The following FER1L6 variants were observed in gnomAD, a reference collection of about 807,000 sequenced individuals.
The protein encoded by FER1L6 is fer-1 like family member 6.
FER1L6 carries 177 observed loss-of-function variants against 219.2 expected under a neutral mutation model. That is an observed-to-expected ratio of 0.81 (90% CI 0.71 to 0.91). FER1L6 has a LOEUF of 0.91. Among genes scored for constraint, FER1L6 ranks in the 40% least tolerant of loss-of-function variants. The pLI, the probability that FER1L6 is intolerant of heterozygous loss-of-function variation, is 0.00. For synonymous variants in FER1L6, 768 were observed against 824.3 expected, an observed-to-expected ratio of 0.93 and a Z score of 1.17; for missense variants, 2,153 against 2,259.9, an observed-to-expected ratio of 0.95 and a Z score of 0.96.
chr8:123,886,970 A>T (rs1302499384), intron 1 of FER1L6, among the ~76,000 whole-genome samples: 1 of 152,154 alleles, frequency 6.6e-6, no homozygotes, highest in African/African-American at 2.4e-5. Context: ...CTGGTCTTAA[A>T]GCTCGAAACT....
chr8:123,949,361 A>T (rs898411547), intron 1 of FER1L6, among the ~76,000 whole-genome samples: 1 of 152,200 alleles, frequency 6.6e-6, no homozygotes, highest in Non-Finnish European at 1.5e-5. Context: ...TCAAAAAAAA[A>T]ATGAGGTTCA....
chr8:123,888,187 G>A (rs1335142140), intron 1 of FER1L6, among the ~76,000 whole-genome samples: 2 of 151,928 alleles, frequency 1.3e-5, no homozygotes, highest in Non-Finnish European at 2.9e-5. Context: ...CACGATCTTG[G>A]CTCACTGCAA....
intron 1 of FER1L6, among the ~76,000 whole-genome samples, chr8:123,881,669 G>A (rs1255963669): frequency 6.6e-6 from 1 of 152,174 alleles, no homozygotes; most frequent in African/African-American, 2.4e-5. Flanking sequence ...TAGACCCTGT[G>A]TGGCCCATCT....
chr8:123,973,177 G>A (rs1226292639), intron 6 of FER1L6, among the ~76,000 whole-genome samples: 1 of 152,186 alleles, frequency 6.6e-6, no homozygotes, highest in Non-Finnish European at 1.5e-5. Context: ...TGAAGGGTGA[G>A]CTGTACTCAG....
intron 1 of FER1L6, among the ~76,000 whole-genome samples, chr8:123,877,601 C>T (rs1025456047): frequency 1.1e-4 from 16 of 152,108 alleles, no homozygotes; most frequent in African/African-American, 3.9e-4. Context: ...GGGAACCGTT[C>T]TCTGAGAACT....
intron 18 of FER1L6, among the ~76,000 whole-genome samples, chr8:124,028,413 T>G (rs1357407361): frequency 2.6e-5 from 4 of 152,088 alleles, no homozygotes; most frequent in African/African-American, 9.7e-5. Flanking sequence ...TCTCTCTTTA[T>G]GCCCCTTTCT....
In FER1L6 at chr8:124,003,180, C is replaced by T; in HGVS notation, c.1533C>T (p.Asn511=). 6.2e-7 allele frequency: 1 copy of T among 1,613,760 alleles called. No homozygotes were observed. The highest frequency in any genetic ancestry group is 8.5e-7 in the Non-Finnish European group (1 of 1,179,788). The change falls in exon 13 of 41, where the codon AAC becomes AAT. Residue 511 remains asparagine, a synonymous_variant. Transcript: ENST00000522917. ...SFEVSIGNFG[N]LIDGGSHHGS... is the part of the protein sequence containing the mutation. ...CTGCCTCTGCAGGTAATTTTGGAAA[C>T]CTGATTGATGGAGGATCCCATCATG...
chr8:123,923,444 T>C (rs991392305), intron 1 of FER1L6, among the ~76,000 whole-genome samples: 19 of 152,216 alleles, frequency 1.2e-4, no homozygotes, highest in African/African-American at 4.6e-4. Context: ...AGCAACTTCA[T>C]ATAGTTCAAC....
intron 27 of FER1L6, among the ~76,000 whole-genome samples, chr8:124,066,961 G>A (rs776825428): frequency 9.2e-5 from 14 of 152,100 alleles, no homozygotes; most frequent in Admixed American, 3.9e-4. Flanking sequence ...AAGTTCACAT[G>A]GGAAATTATC....
In FER1L6 at chr8:124,049,724, G is replaced by A; in HGVS notation, c.2842G>A (p.Gly948Arg). ...HPIFCGNLSGGDLLAVFELLQ... is the reference protein window; with the variant it reads ...HPIFCGNLSGRDLLAVFELLQ... ...CATCTTTTGTGGGAATCTCTCTGGA[G>A]GGGATCTCCTTGCTGTATTTGAACT... The change falls in exon 22 of 41, where the codon GGG becomes AGG. Residue 948 changes from glycine to arginine, a missense_variant. Transcript: ENST00000522917. 6.2e-7 allele frequency: 1 copy of A among 1,614,074 alleles called. No individual in the cohort carries two copies. The highest frequency in any genetic ancestry group is 8.5e-7 in the Non-Finnish European group (1 of 1,179,972).
chr8:123,976,204 T>C, intron 9 of FER1L6, 120 bp downstream of exon 9: 1 of 878,034 alleles, frequency 1.1e-6, no homozygotes, highest in South Asian at 2.2e-5. Context: ...AAAAGCTTGT[T>C]ACAAAAAGGC....
intron 1 of FER1L6, among the ~76,000 whole-genome samples, chr8:123,930,243 G>A (rs1243673209): frequency 2.0e-5 from 3 of 152,088 alleles, no homozygotes; most frequent in African/African-American, 7.2e-5. Flanking sequence ...ACATTAGTTT[G>A]TGTATCCACC....
intron 15 of FER1L6, among the ~76,000 whole-genome samples, chr8:124,015,584 T>TAC (rs1204491375): frequency 2.6e-5 from 2 of 76,044 alleles, no homozygotes; most frequent in African/African-American, 1.4e-4. Context: ...TATATATATA[T>TAC]ATATATATAT....
intron 1 of FER1L6, among the ~76,000 whole-genome samples, chr8:123,898,732 GTATATATACATATATACTATATATACACA>G (rs1563677480): frequency 7.4e-6 from 1 of 135,054 alleles, no homozygotes; most frequent in East Asian, 2.1e-4. Context: ...TGTATATATA[GTATATATACATATATACTATATATACACA>G]TATATATGTG....
rs1816559828 is a variant in FER1L6, at chr8:123,853,408, G to C, written c.-8+1223G>C. Among the ~76,000 whole-genome samples the C allele has an allele frequency of 1.3e-5, 2 of 152,152 alleles. No individual in the cohort carries two copies. Among genetic ancestry groups the C allele is most frequent in the Non-Finnish European group, 2.9e-5 (2 of 68,036 alleles). On this transcript the variant is annotated intron_variant, in intron 1 of 40. Transcript: ENST00000522917. This position sits in a 1 kb window ranked among gnomAD's most constrained non-coding sequence, Gnocchi z 6.6. ...GACCTCAAACGATCCACCCACCTCA[G>C]CCTCCCAAAGTGCTGGGATTATAGG...
chr8:123,943,958 T>C (rs1255687314), intron 1 of FER1L6, among the ~76,000 whole-genome samples: 1 of 151,984 alleles, frequency 6.6e-6, no homozygotes, highest in Non-Finnish European at 1.5e-5. Context: ...GCTTGAAAAA[T>C]GGTGGCTGTG....
chr8:124,073,550 TAAATC>T (rs930357905), intron 31 of FER1L6, among the ~76,000 whole-genome samples: 4 of 152,154 alleles, frequency 2.6e-5, no homozygotes, highest in African/African-American at 4.8e-5. Context: ...CATAAAGAAA[TAAATC>T]AAATTTCCCC....
intron 1 of FER1L6, among the ~76,000 whole-genome samples, chr8:123,868,231 A>G (rs1281377954): frequency 6.6e-6 from 1 of 152,230 alleles, no homozygotes; most frequent in Non-Finnish European, 1.5e-5. Context: ...TAGATTAATG[A>G]AAAGAATTTG....
chr8:124,002,042 A>T (rs1817432517), intron 12 of FER1L6, among the ~76,000 whole-genome samples: 1 of 152,150 alleles, frequency 6.6e-6, no homozygotes, highest in Non-Finnish European at 1.5e-5. Context: ...TGATCCTGTG[A>T]GGCGCTCTCA....
Sources: allele counts gnomAD v4.1 joint callset (sites outside exome capture counted in the v4.1 genomes callset), GRCh38; gene constraint gnomAD v4.1.1; non-coding constraint Gnocchi (gnomAD v3.1); transcripts MANE v1.5; gene names NCBI Gene and HGNC (gene_info 2026-07-23, HGNC 2026-07-21).